Variants in UQCC5 observed in about 807,000 individuals in gnomAD.
UQCC5 encodes ubiquinol-cytochrome c reductase complex assembly factor 5, also known as UPF0640 protein C3orf78.
the UQCC5 span, chr3:52,541,765 A>T: frequency 6.6e-6 from 1 of 152,218 alleles, no homozygotes; most frequent in African/African-American, 2.4e-5. Flanking sequence ...ATTCTCAATT[A>T]TATGGCCATA....
chr3:52,536,795 G>T, the UQCC5 span: 1 of 1,551,814 alleles, frequency 6.4e-7, no homozygotes, highest in Non-Finnish European at 8.7e-7. Flanking sequence ...TCTGCAGCGG[G>T]TGCCCGGGAA....
At chr3:52,538,100 A>G in the UQCC5 span, among the ~76,000 whole-genome samples, 104 of 152,360 alleles carry the variant, frequency 6.8e-4, 1 homozygote, top group Admixed American at 6.8e-3. Context: ...TGGTAGGAAC[A>G]GTTACGCTGT....
At chr3:52,536,709 T>C in the UQCC5 span, 5 of 1,549,000 alleles carry the variant, frequency 3.2e-6, no homozygotes, top group African/African-American at 5.5e-5. Flanking sequence ...GTCCGGGCGA[T>C]CCAGTGCTTA....
the UQCC5 span, chr3:52,537,034 TC>T: frequency 7.7e-7 from 1 of 1,296,354 alleles, no homozygotes. Flanking sequence ...CGAGTGCAGT[TC>T]CATTCGCTTG....
chr3:52,539,555 T>C, the UQCC5 span, among the ~76,000 whole-genome samples: 1 of 152,088 alleles, frequency 6.6e-6, no homozygotes, highest in Non-Finnish European at 1.5e-5. Flanking sequence ...GCCAGCACTT[T>C]TGGTGACTGA....
the UQCC5 span, chr3:52,540,624 TG>T: frequency 1.6e-6 from 1 of 639,774 alleles, no homozygotes; most frequent in Non-Finnish European, 2.5e-6. Flanking sequence ...TAACTGTTTT[TG>T]CAAAGAATTT....
the UQCC5 span, chr3:52,536,863 G>A: frequency 3.9e-6 from 6 of 1,551,740 alleles, no homozygotes; most frequent in East Asian, 1.5e-4. Context: ...GAGGAACGAT[G>A]GAGTGGATCA....
the UQCC5 span, chr3:52,540,490 G>A: frequency 6.6e-7 from 1 of 1,520,764 alleles, no homozygotes; most frequent in Non-Finnish European, 8.8e-7. Context: ...GAATGAGACT[G>A]AACTTCAGCA....
At chr3:52,540,712 A>AT in the UQCC5 span, 3 of 419,070 alleles carry the variant, frequency 7.2e-6, no homozygotes, top group Non-Finnish European at 8.4e-6. Context: ...TTCCTCCTAA[A>AT]ACACTCACTC....
At chr3:52,538,363 C>T in the UQCC5 span, among the ~76,000 whole-genome samples, 1 of 152,190 alleles carries the variant, frequency 6.6e-6, no homozygotes, top group South Asian at 2.1e-4. Flanking sequence ...TATGGTTATA[C>T]AGAGCTGAAG....
the UQCC5 span, among the ~76,000 whole-genome samples, chr3:52,539,000 G>T: frequency 1.3e-5 from 2 of 152,218 alleles, no homozygotes; most frequent in African/African-American, 2.4e-5. Flanking sequence ...GGTGACAGGA[G>T]TAAGCCCTTG....
chr3:52,539,021 G>C, the UQCC5 span, among the ~76,000 whole-genome samples: 1 of 152,166 alleles, frequency 6.6e-6, no homozygotes, highest in Non-Finnish European at 1.5e-5. Flanking sequence ...GAAGTTAGCT[G>C]GAAGAGTTCC....
chr3:52,540,433 A>T, the UQCC5 span: 1 of 1,527,396 alleles, frequency 6.5e-7, no homozygotes, highest in Non-Finnish European at 8.8e-7. Context: ...GATGATGTCT[A>T]CCGTAGAAAA....
the UQCC5 span, chr3:52,536,735 T>G: frequency 6.4e-7 from 1 of 1,551,514 alleles, no homozygotes; most frequent in African/African-American, 1.4e-5. Flanking sequence ...GTCATATCCC[T>G]CTCCACGACC....
the UQCC5 span, chr3:52,536,748 G>C: frequency 6.4e-7 from 1 of 1,551,802 alleles, no homozygotes; most frequent in Non-Finnish European, 8.7e-7. Context: ...CCACGACCTC[G>C]GTCGAGCATG....
At chr3:52,541,745 C>T in the UQCC5 span, 7 of 152,212 alleles carry the variant, frequency 4.6e-5, no homozygotes, top group African/African-American at 1.7e-4. Flanking sequence ...TGTATAAAAA[C>T]TATAGTATGA....
the UQCC5 span, among the ~76,000 whole-genome samples, chr3:52,539,640 T>A: frequency 2.6e-5 from 1 of 38,450 alleles, no homozygotes; most frequent in Admixed American, 3.2e-4. Context: ...GGAAGAAGAT[T>A]TTTTTTTTTT....
the UQCC5 span, chr3:52,540,448 C>A: frequency 6.5e-7 from 1 of 1,531,554 alleles, no homozygotes; most frequent in African/African-American, 1.4e-5. Flanking sequence ...AGAAAAGCCT[C>A]AGAAAGACAG....
the UQCC5 span, among the ~76,000 whole-genome samples, chr3:52,540,153 A>AG: frequency 1.3e-5 from 2 of 152,220 alleles, no homozygotes; most frequent in South Asian, 4.1e-4. Flanking sequence ...GGGAGAAGGA[A>AG]GTGAGGGACA....
Sources: allele counts gnomAD v4.1 joint callset (sites outside exome capture counted in the v4.1 genomes callset), GRCh38; gene constraint gnomAD v4.1.1; transcripts MANE v1.5; gene names NCBI Gene and HGNC (gene_info 2026-07-23, HGNC 2026-07-21).